The following CAMKMT variants were observed in gnomAD, a reference collection of about 807,000 sequenced individuals.
CAMKMT encodes the protein calmodulin-lysine N-methyltransferase.
In CAMKMT, 53 loss-of-function variants were observed where a neutral mutation model predicts 48.0. That is an observed-to-expected ratio of 1.10 (90% CI 0.89 to 1.39). The LOEUF (loss-of-function observed/expected upper bound fraction) is 1.39, where lower values mean the gene tolerates loss of function less well. Ranked by LOEUF, CAMKMT falls within the 40% of genes most tolerant of loss-of-function variation. The pLI, the probability that CAMKMT is intolerant of heterozygous loss-of-function variation, is 0.00. For missense variants in CAMKMT, 428 were observed against 402.7 expected (o/e 1.06, Z -0.54); for synonymous variants, 165 against 152.3 (o/e 1.08, Z -0.61).
chr2:44,688,454 G>A (rs1676459265), intron 3 of CAMKMT, among the ~76,000 whole-genome samples: 1 of 151,314 alleles, frequency 6.6e-6, no homozygotes, highest in Non-Finnish European at 1.5e-5. Context: ...AGCTGAGATT[G>A]TCAGCCAGCT....
intron 3 of CAMKMT, among the ~76,000 whole-genome samples, chr2:44,544,820 G>C (rs1269625523): frequency 6.6e-6 from 1 of 152,068 alleles, no homozygotes; most frequent in Non-Finnish European, 1.5e-5. Context: ...GGAAAATTTA[G>C]ACTTTAAGAC....
At chr2:44,407,889 T>C (rs1682892726) in intron 3 of CAMKMT, among the ~76,000 whole-genome samples, 1 of 152,152 alleles carries the variant, frequency 6.6e-6, no homozygotes, top group African/African-American at 2.4e-5. Flanking sequence ...TTACTAAAAG[T>C]TGGGGCTTCA....
intron 3 of CAMKMT, among the ~76,000 whole-genome samples, chr2:44,546,924 C>G (rs1667442634): frequency 6.6e-6 from 1 of 152,146 alleles, no homozygotes; most frequent in Non-Finnish European, 1.5e-5. Context: ...GGTTTCATTT[C>G]TCTCTCAGTA....
intron 6 of CAMKMT, among the ~76,000 whole-genome samples, chr2:44,708,557 G>A (rs577983396): frequency 1.6e-4 from 25 of 152,162 alleles, no homozygotes; most frequent in African/African-American, 5.5e-4. Flanking sequence ...CACAATCTTG[G>A]CCTTTCACAC....
chr2:44,379,608 C>A (rs1453382713), intron 2 of CAMKMT, among the ~76,000 whole-genome samples: 1 of 152,024 alleles, frequency 6.6e-6, no homozygotes, highest in African/African-American at 2.4e-5. Context: ...ATATTACAAC[C>A]CTTATAGTGG....
chr2:44,500,421 C>T (rs1669950396), intron 3 of CAMKMT, among the ~76,000 whole-genome samples: 1 of 151,738 alleles, frequency 6.6e-6, no homozygotes, highest in Non-Finnish European at 1.5e-5. Flanking sequence ...TTTTTAAATT[C>T]CTTGATATTT....
intron 8 of CAMKMT, among the ~76,000 whole-genome samples, chr2:44,744,165 G>T (rs960387800): frequency 6.6e-6 from 1 of 152,008 alleles, no homozygotes; most frequent in African/African-American, 2.4e-5. Context: ...GAATATCTTT[G>T]GGGAAATAGC....
Position 44,592,893 on chromosome 2 carries a change from C to G in CAMKMT, c.377-111390C>G, listed in dbSNP as rs115041068. On this transcript the variant is annotated intron_variant, in intron 3 of 10. Transcript: ENST00000378494. ...GCATTTCAGAATACTGTATTCAGCT[C>G]TATTGGGTGGTGTGTTCTATAAATG... Among the ~76,000 whole-genome samples, 812 of 152,190 alleles carry G rather than the reference C, an allele frequency of 5.3e-3. 2 individuals carry two copies. Among genetic ancestry groups the G allele is most frequent in the African/African-American group, 0.019 (782 of 41,520 alleles).
At chr2:44,598,519 A>C (rs986610983) in intron 3 of CAMKMT, among the ~76,000 whole-genome samples, 5 of 151,554 alleles carry the variant, frequency 3.3e-5, no homozygotes, top group Admixed American at 1.3e-4. Flanking sequence ...TGTCCTCTTC[A>C]ATGAGTCACT....
chr2:44,683,215 C>A (rs1263459738), intron 3 of CAMKMT, among the ~76,000 whole-genome samples: 32 of 149,296 alleles, frequency 2.1e-4, no homozygotes, highest in African/African-American at 2.7e-4. Context: ...AAATAGAAAC[C>A]AAAAAAAAAA....
chr2:44,476,941 A>C (rs1233578038), intron 3 of CAMKMT, among the ~76,000 whole-genome samples: 1 of 152,182 alleles, frequency 6.6e-6, no homozygotes, highest in Admixed American at 6.5e-5. Flanking sequence ...TTATTATCCA[A>C]ATGGCTTATT....
chr2:44,617,173 G>A (rs1372722930), intron 3 of CAMKMT, among the ~76,000 whole-genome samples: 1 of 152,162 alleles, frequency 6.6e-6, no homozygotes, highest in Admixed American at 6.5e-5. Context: ...GTCTCTAGAG[G>A]GAAATTCATC....
At chr2:44,640,028 C>T (rs927309428) in intron 3 of CAMKMT, among the ~76,000 whole-genome samples, 1 of 152,122 alleles carries the variant, frequency 6.6e-6, no homozygotes, top group Admixed American at 6.6e-5. Context: ...ATACCCATTT[C>T]CCTCCTGCTT....
At chr2:44,673,240 A>G (rs1418852005) in intron 3 of CAMKMT, among the ~76,000 whole-genome samples, 1 of 151,998 alleles carries the variant, frequency 6.6e-6, no homozygotes, top group Non-Finnish European at 1.5e-5. Flanking sequence ...ACCCTGGTCA[A>G]TACAAGGAGA....
chr2:44,691,899 T>C (rs534252200), intron 3 of CAMKMT, among the ~76,000 whole-genome samples: 38 of 152,322 alleles, frequency 2.5e-4, no homozygotes, highest in Middle Eastern at 6.8e-3. Context: ...CATTCTGGAA[T>C]ATTCAGACAT....
chr2:44,708,823 G>T (rs369487773), intron 6 of CAMKMT, among the ~76,000 whole-genome samples: 4 of 152,018 alleles, frequency 2.6e-5, no homozygotes, highest in East Asian at 3.9e-4. Context: ...TTTAGAGGGT[G>T]GGGGGAGCAG....
At chr2:44,490,995 C>CA (rs1273508020) in intron 3 of CAMKMT, among the ~76,000 whole-genome samples, 18 of 151,332 alleles carry the variant, frequency 1.2e-4, no homozygotes, top group Non-Finnish European at 2.2e-4. Flanking sequence ...ACAAAAAATA[C>CA]AAAAAAAATT....
intron 3 of CAMKMT, among the ~76,000 whole-genome samples, chr2:44,452,100 C>T (rs1310785790): frequency 6.6e-6 from 1 of 151,854 alleles, no homozygotes; most frequent in Non-Finnish European, 1.5e-5. Context: ...AAAAAGCTAA[C>T]TTAGGCATTA....
chr2:44,527,775 C>T (rs969346898), intron 3 of CAMKMT, among the ~76,000 whole-genome samples: 47 of 124,562 alleles, frequency 3.8e-4, no homozygotes, highest in African/African-American at 1.2e-3. Flanking sequence ...CCTCCTCCCA[C>T]ATGTGTACAG....
Sources: gnomAD v4.1 joint callset for allele counts (sites outside exome capture counted in the v4.1 genomes callset) on GRCh38, gnomAD v4.1.1 for gene constraint, MANE v1.5 for transcripts, NCBI Gene and HGNC (gene_info 2026-07-23, HGNC 2026-07-21) for gene names.